The following EME2 variants were observed in gnomAD, a reference collection of about 807,000 sequenced individuals.
The protein encoded by EME2 is structure-specific endonuclease subunit EME2.
A neutral mutation model predicts 41.9 loss-of-function variants in EME2; 58 were observed. That is an observed-to-expected ratio of 1.38 (90% CI 1.12 to 1.72). EME2 has a LOEUF of 1.72. EME2 is among the 40% of genes most tolerant of loss of function. The probability of loss-of-function intolerance (pLI) is 0.00; values close to 1 mark genes in which losing one functional copy is unlikely to be tolerated. For missense variants in EME2, 695 were observed against 541.9 expected (o/e 1.28, Z -2.81); for synonymous variants, 334 against 239.3 (o/e 1.40, Z -3.65).
rs986052388 is a variant in EME2, at chr16:1,777,017, TGGAA to T, written c.*786_*789del. ...ATCCAACTCCGCCCTGGAGTGTGGC[TGGAA>T]GGAAGGGACAGAGAAAGAAGGGACA... On this transcript the variant is annotated 3_prime_UTR_variant, in exon 8 of 8. Transcript: ENST00000568449. The T allele has an allele frequency of 2.0e-4, 300 of 1,498,020 alleles. No homozygotes were observed. Among genetic ancestry groups the T allele is most frequent in the Non-Finnish European group, 2.6e-4 (285 of 1,106,318 alleles). The allele number at this position is 1,498,020 out of a possible 1,614,324, so 92.8% of individuals were successfully genotyped here. A position where few individuals can be genotyped will look rare whatever the true frequency, so the allele number is the denominator to read the frequency against.
intron 3 of EME2, 128 bp downstream of exon 3, chr16:1,774,480 C>G: frequency 1.4e-6 from 1 of 715,642 alleles, no homozygotes; most frequent in Non-Finnish European, 2.4e-6. Context: ...GCCAGGACTC[C>G]TCTCTGATCC....
At position 1,778,770 on chromosome 16, in the gene EME2, C is replaced by T. The variant is rs1340845757; in HGVS notation, c.*2532C>T. 3.9e-6 allele frequency: 3 copies of T among 769,464 alleles called. No homozygotes were observed. Among genetic ancestry groups the T allele is most frequent in the Non-Finnish European group, 5.8e-6 (3 of 513,378 alleles). The allele number at this position is 769,464 out of a possible 1,614,324, so 47.7% of individuals were successfully genotyped here. A position where few individuals can be genotyped will look rare whatever the true frequency, so the allele number is the denominator to read the frequency against. On this transcript the variant is annotated 3_prime_UTR_variant, in exon 8 of 8. Transcript: ENST00000568449. ...CAGTACCCCGAGCGCACAGCCCAGG[C>T]TCCCTCCCAACGGGCTCCGGCTCTG...
At position 1,777,127 on chromosome 16, in the gene EME2, G is replaced by C. The variant is rs778172426; in HGVS notation, c.*889G>C. 1 of 1,611,752 alleles carries C rather than the reference G, an allele frequency of 6.2e-7. No individual in the cohort carries two copies. Among genetic ancestry groups the C allele is most frequent in the South Asian group, 1.1e-5 (1 of 91,012 alleles). ...TCCGGCGGCAGCGCTTCCTCTGGCAGGGCCGAGGCTCGCGACTGCTGGGGT... is the reference window on the plus strand; with the variant it reads ...TCCGGCGGCAGCGCTTCCTCTGGCACGGCCGAGGCTCGCGACTGCTGGGGT... On this transcript the variant is annotated 3_prime_UTR_variant, in exon 8 of 8. Coordinates refer to ENST00000568449, the MANE Select transcript of EME2 (RefSeq NM_001257370.2).
At position 1,776,175 on chromosome 16, in the gene EME2, C is replaced by A. The variant is rs145328437; in HGVS notation, c.1077C>A (p.Ser359=). The change falls in exon 8 of 8, where the codon TCC becomes TCA. Residue 359 remains serine (S), a synonymous_variant. Coordinates refer to ENST00000568449, the MANE Select transcript of EME2 (RefSeq NM_001257370.2). ...GRPRRVGPDL[S]RRICLFLTTA... ...CCCGCAGGGTGGGGCCTGACCTCTCCCGCCGCATCTGCCTCTTCCTGACCA... is the reference window on the plus strand; with the variant it reads ...CCCGCAGGGTGGGGCCTGACCTCTCACGCCGCATCTGCCTCTTCCTGACCA... 6.2e-7 allele frequency: 1 copy of A among 1,612,616 alleles called. No homozygotes were observed. Among genetic ancestry groups the A allele is most frequent in the African/African-American group, 1.3e-5 (1 of 75,074 alleles).
In EME2 at chr16:1,773,262, C is replaced by A; in HGVS notation, c.35C>A (p.Ser12Tyr). 6.9e-7 allele frequency: 1 copy of A among 1,455,144 alleles called. No individual in the cohort carries two copies. The highest frequency in any genetic ancestry group is 1.4e-5 in the South Asian group (1 of 71,064). 90.1% of individuals were successfully genotyped at this position (1,455,144 alleles called of 1,614,324 possible). ...ARVGPGRAGV[S>Y]CQGRGRGRGG... ...GTTGGACCCGGGAGGGCGGGGGTCT[C>A]TTGCCAGGGCCGGGGCCGGGGACGG... The change falls in exon 1 of 8, where the codon TCT (serine) becomes TAT (tyrosine). Residue 12 changes from serine to tyrosine, a missense_variant. Ser to Tyr is a moderately radical substitution (Grantham distance 144). Coordinates refer to ENST00000568449, the MANE Select transcript of EME2 (RefSeq NM_001257370.2).
chr16:1,775,250 C>G, intron 4 of EME2, 65 bp from the exon 5 acceptor site: 1 of 1,597,004 alleles, frequency 6.3e-7, no homozygotes, highest in Non-Finnish European at 8.6e-7. Context: ...TGGGCTCTGG[C>G]AGAGGCCAAG....
At position 1,781,025 on chromosome 16, in the gene EME2, G is replaced by T; in HGVS notation, c.*4787G>T. 2 of 597,112 alleles carry T rather than the reference G, an allele frequency of 3.3e-6. No homozygotes were observed. Among genetic ancestry groups the T allele is most frequent in the Non-Finnish European group, 5.3e-6 (2 of 380,208 alleles). The allele number at this position is 597,112 out of a possible 1,614,324, so 37.0% of individuals were successfully genotyped here. On this transcript the variant is annotated 3_prime_UTR_variant, in exon 8 of 8. Coordinates refer to ENST00000568449, the MANE Select transcript of EME2 (RefSeq NM_001257370.2). ...TAGGATTATAGGTGTGAGCCACAGTGCCCAGCCCCGTAGTGGAGAATTTCT... is the reference window on the plus strand; with the variant it reads ...TAGGATTATAGGTGTGAGCCACAGTTCCCAGCCCCGTAGTGGAGAATTTCT...
In EME2 at chr16:1,778,130, T is replaced by A; in HGVS notation, c.*1892T>A. On this transcript the variant is annotated 3_prime_UTR_variant, in exon 8 of 8. Coordinates refer to ENST00000568449, the MANE Select transcript of EME2 (RefSeq NM_001257370.2). ...CAGAAGCACCCTGGGCCGAAGCAAC[T>A]TACCATGTCGGTGCCGTAGACGGGA... 2 of 1,612,734 alleles carry A rather than the reference T, an allele frequency of 1.2e-6. No individual in the cohort carries two copies. Among genetic ancestry groups the A allele is most frequent in the Non-Finnish European group, 1.7e-6 (2 of 1,179,690 alleles).
chr16:1,777,266 G>T lies in EME2; in HGVS notation c.*1028G>T. On this transcript the variant is annotated 3_prime_UTR_variant, in exon 8 of 8. Transcript: ENST00000568449. ...CACCTGCTTGAGGCCCGGCGGCAGC[G>T]GCAGACCCTCCAGCGTGTCTCCCGA... 6.2e-7 allele frequency: 1 copy of T among 1,610,588 alleles called. No individual in the cohort carries two copies.
chr16:1,774,856 C>T (rs1160890417), intron 3 of EME2, 185 bp from the exon 4 acceptor site: 13 of 661,104 alleles, frequency 2.0e-5, no homozygotes, highest in Admixed American at 4.7e-5. Flanking sequence ...GTCTCCTTAG[C>T]CTCTTTGGCC....
chr16:1,775,888 G>A lies in EME2; in HGVS notation c.871G>A (p.Ala291Thr), dbSNP rs764129759. 6.2e-7 allele frequency: 1 copy of A among 1,612,388 alleles called. No individual in the cohort carries two copies. Among genetic ancestry groups the A allele is most frequent in the East Asian group, 2.2e-5 (1 of 44,888 alleles). Residue 291 changes from alanine to threonine, a missense_variant, in exon 7 of 8, where the codon GCG (alanine) becomes ACG (threonine). Transcript: ENST00000568449. The part of the protein sequence containing the change: ...PVARDGAGLQ[A>T]AWRRQIRQFS... ...GGCAAGAGACGGCGCAGGGCTGCAGGCGGCCTGGCGGAGGCAGATCAGGCA... is the reference window on the plus strand; with the variant it reads ...GGCAAGAGACGGCGCAGGGCTGCAGACGGCCTGGCGGAGGCAGATCAGGCA...
Position 1,777,194 on chromosome 16 carries a change from C to T in EME2, c.*956C>T, listed in dbSNP as rs760381844. 73 of 1,610,298 alleles carry T rather than the reference C, an allele frequency of 4.5e-5. 1 individual carries two copies. In the East Asian group the frequency reaches 4.7e-4, roughly 10 times the overall value. ...CTGGGGATCGGACACTGGAGCCTTG[C>T]GGCGGCTGCAACTCATGCTCAGGAC... On this transcript the variant is annotated 3_prime_UTR_variant, in exon 8 of 8. Transcript: ENST00000568449.
Position 1,775,132 on chromosome 16 carries a change from G to GGT in EME2, c.569+1_569+2dup. On this transcript the variant is annotated frameshift_variant and splice_region_variant. Coordinates refer to ENST00000568449, the MANE Select transcript of EME2 (RefSeq NM_001257370.2). LOFTEE classifies it high-confidence loss of function. ...GTCATCGGGCTGGATGCCTACCTGT[G>GGT]GTACCGCTCACTCTCATGCCCACAG... is the stretch of plus-strand genomic sequence containing the variant. 6.2e-7 allele frequency: 1 copy of GGT among 1,612,020 alleles called. No individual in the cohort carries two copies. The highest frequency in any genetic ancestry group is 8.5e-7 in the Non-Finnish European group (1 of 1,179,860).
In EME2 at chr16:1,778,601, C is replaced by G. The variant is rs748377260; in HGVS notation, c.*2363C>G. 1 of 1,561,880 alleles carries G rather than the reference C, an allele frequency of 6.4e-7. No individual in the cohort carries two copies. The highest frequency in any genetic ancestry group is 8.7e-7 in the Non-Finnish European group (1 of 1,150,982). On this transcript the variant is annotated 3_prime_UTR_variant, in exon 8 of 8. Transcript: ENST00000568449. Reference sequence around the variant, plus strand: ...GCGTGGAGTACTCGGGGTCGGAGTCCGAGTCGCTGTGCTGGGAGAGAAGGG... The same window carrying G: ...GCGTGGAGTACTCGGGGTCGGAGTCGGAGTCGCTGTGCTGGGAGAGAAGGG...
At chr16:1,773,634 C>T (rs2042665179) in intron 1 of EME2, 71 bp from the exon 2 acceptor site, 1 of 1,543,724 alleles carries the variant, frequency 6.5e-7, no homozygotes, top group Admixed American at 2.0e-5. Flanking sequence ...CCCGGTCCGG[C>T]CACCCGCCCA....
At position 1,780,977 on chromosome 16, in the gene EME2, C is replaced by T. The variant is rs536364319; in HGVS notation, c.*4739C>T. 65 of 380,574 alleles carry T rather than the reference C, an allele frequency of 1.7e-4. No homozygotes were observed. Among genetic ancestry groups the T allele is most frequent in the African/African-American group, 1.2e-3 (56 of 47,486 alleles). The allele number at this position is 380,574 out of a possible 1,614,324, so 23.6% of individuals were successfully genotyped here. A position where few individuals can be genotyped will look rare whatever the true frequency, so the allele number is the denominator to read the frequency against. Reference sequence around the variant, plus strand: ...CAAACTCCTGGGCTCAAGTGGTCCTCCAGCTTCAGCCTCCCAAAGTGCTAG... The same window carrying T: ...CAAACTCCTGGGCTCAAGTGGTCCTTCAGCTTCAGCCTCCCAAAGTGCTAG... On this transcript the variant is annotated 3_prime_UTR_variant, in exon 8 of 8. Transcript: ENST00000568449.
At position 1,776,196 on chromosome 16, in the gene EME2, G is replaced by A. The variant is rs770202909; in HGVS notation, c.1098G>A (p.Leu366=). The A allele has an allele frequency of 1.2e-6, 2 of 1,612,626 alleles. No homozygotes were observed. Among genetic ancestry groups the A allele is most frequent in the South Asian group, 2.2e-5 (2 of 91,084 alleles). ...TCTCCCGCCGCATCTGCCTCTTCCT[G>A]ACCACAGCCAACCCTGATCTCCTGC... The part of the protein sequence containing the change: ...PDLSRRICLF[L]TTANPDLLLD... Residue 366 remains leucine (L), a synonymous_variant, in exon 8 of 8, where the codon CTG becomes CTA. Transcript: ENST00000568449.
At position 1,773,798 on chromosome 16, in the gene EME2, G is replaced by T; in HGVS notation, c.341G>T (p.Ser114Ile). The T allele has an allele frequency of 5.1e-6, 8 of 1,556,280 alleles. No homozygotes were observed. The highest frequency in any genetic ancestry group is 6.1e-6 in the Non-Finnish European group (7 of 1,152,204). ...ATCGAGCCCCAGCGCCCGGCCCGCA[G>T]CCTGCGGTGGACCCGAGCGAGTCCC... ...CRIEPQRPARSLRWTRASPDP... is the reference protein window; with the variant it reads ...CRIEPQRPARILRWTRASPDP... Residue 114 changes from serine (S) to isoleucine (I), a missense_variant, in exon 2 of 8, where the codon AGC (serine) becomes ATC (isoleucine). Transcript: ENST00000568449.
Position 1,777,966 on chromosome 16 carries a change from C to T in EME2, c.*1728C>T, listed in dbSNP as rs1458864244. 6.2e-7 allele frequency: 1 copy of T among 1,612,990 alleles called. No individual in the cohort carries two copies. Among genetic ancestry groups the T allele is most frequent in the Admixed American group, 1.7e-5 (1 of 60,022 alleles). ...CGCACCCGTGTAGGAGAGGCCCCAG[C>T]TGTCCTCATCCCTGCCCAGCAGGCT... is the stretch of plus-strand genomic sequence containing the variant. On this transcript the variant is annotated 3_prime_UTR_variant, in exon 8 of 8. Coordinates refer to ENST00000568449, the MANE Select transcript of EME2 (RefSeq NM_001257370.2).
Sources: allele counts gnomAD v4.1 joint callset, GRCh38; gene constraint gnomAD v4.1.1; transcripts MANE v1.5; gene names NCBI Gene and HGNC (gene_info 2026-07-23, HGNC 2026-07-21).